Variants in ZNF556 observed in about 807,000 individuals in gnomAD.
ZNF556 encodes the protein zinc finger protein 556.
Under a neutral mutation model 13.6 loss-of-function variants are expected in ZNF556, and 11 were observed. That is an observed-to-expected ratio of 0.81 (90% CI 0.51 to 1.33). The LOEUF is 1.33. Ranked by LOEUF, ZNF556 falls within the 40% of genes most tolerant of loss-of-function variation. ZNF556 has a pLI of 0.00. For synonymous variants in ZNF556, 229 were observed against 207.8 expected, an observed-to-expected ratio of 1.10 and a Z score of -0.88; for missense variants, 633 against 566.2, an observed-to-expected ratio of 1.12 and a Z score of -1.20.
chr19:2,871,045 A>G (rs1314936757), intron 1 of ZNF556, among the ~76,000 whole-genome samples: 1 of 151,844 alleles, frequency 6.6e-6, no homozygotes, highest in Non-Finnish European at 1.5e-5. Flanking sequence ...TCTCAAAAAA[A>G]AAAAAAAATT....
At chr19:2,874,758 A>AAAAAAAG (rs1555725942) in intron 2 of ZNF556, among the ~76,000 whole-genome samples, 63 of 130,706 alleles carry the variant, frequency 4.8e-4, no homozygotes, top group Non-Finnish European at 5.7e-4. Flanking sequence ...AAAAAAAAAA[A>AAAAAAAG]AAAGAAAGAA....
chr19:2,874,234 GC>G (rs1325052341), intron 2 of ZNF556, among the ~76,000 whole-genome samples: 2 of 151,952 alleles, frequency 1.3e-5, no homozygotes, highest in African/African-American at 4.8e-5. Flanking sequence ...TCTAGCCTGG[GC>G]CATAGAGTGA....
chr19:2,867,387 G>T lies in ZNF556; in HGVS notation c.-35G>T. On this transcript the variant is annotated 5_prime_UTR_variant, in exon 1 of 4. It adds an upstream start codon to the 5' untranslated region. Transcript: ENST00000307635. ...TCACCTGCACCGGCTGCGAGGAGCA[G>T]GGAGCTCCTCAAAGAGCTCAGGAAC... 6.3e-7 allele frequency: 1 copy of T among 1,576,276 alleles called. No homozygotes were observed. The highest frequency in any genetic ancestry group is 8.6e-7 in the Non-Finnish European group (1 of 1,162,014).
At chr19:2,875,632 G>A (rs2087844909) in intron 2 of ZNF556, 1 of 155,250 alleles carries the variant, frequency 6.4e-6, no homozygotes, top group Non-Finnish European at 1.4e-5. Context: ...GGCCTCCACA[G>A]GCTCCAAGAT....
Position 2,873,575 on chromosome 19 carries a change from T to A in ZNF556, c.83T>A (p.Leu28His). 2 of 1,614,094 alleles carry A rather than the reference T, an allele frequency of 1.2e-6. No individual in the cohort carries two copies. The highest frequency in any genetic ancestry group is 1.7e-6 in the Non-Finnish European group (2 of 1,179,964). Residue 28 changes from leucine (L) to histidine (H), a missense_variant, in exon 2 of 4, where the codon CTC becomes CAC. By Grantham distance (99) the Leu-to-His change is moderately conservative (BLOSUM62 -3). Coordinates refer to ENST00000307635, the MANE Select transcript of ZNF556 (RefSeq NM_024967.3). The part of the protein sequence containing the change: ...WALLNPAQRK[L>H]YRDVMLETFK... ...TTGCTGAATCCTGCTCAGAGAAAACTCTACAGAGATGTCATGCTGGAGACC... is the reference window on the plus strand; with the variant it reads ...TTGCTGAATCCTGCTCAGAGAAAACACTACAGAGATGTCATGCTGGAGACC...
At chr19:2,872,330 C>T (rs543871376) in intron 1 of ZNF556, among the ~76,000 whole-genome samples, 2 of 151,300 alleles carry the variant, frequency 1.3e-5, no homozygotes, top group African/African-American at 4.9e-5. Flanking sequence ...TGGCAACAGG[C>T]GTCTTCCCAG....
At position 2,879,015 on chromosome 19, in the gene ZNF556, G is replaced by C. The variant is rs1343945283; in HGVS notation, c.*686G>C. 1 of 151,958 alleles carries C rather than the reference G, an allele frequency of 6.6e-6. No homozygotes were observed. The highest frequency in any genetic ancestry group is 6.6e-5 in the Admixed American group (1 of 15,230). The allele number at this position is 151,958 out of a possible 1,614,324, so 9.4% of individuals were successfully genotyped here. A position where few individuals can be genotyped will look rare whatever the true frequency, so the allele number is the denominator to read the frequency against. On this transcript the variant is annotated 3_prime_UTR_variant, in exon 4 of 4. Coordinates refer to ENST00000307635, the MANE Select transcript of ZNF556 (RefSeq NM_024967.3). ...GAGGCCATTAGACCAATGAAATATG[G>C]GTGTTTGTTGACATTTTCTGACTGG...
rs1184952760 is a variant in ZNF556, at chr19:2,876,157, A to G, written c.195A>G (p.Leu65=). ...AGCAGGATACTTCTGGAGAAAAATT[A>G]TCCCTCAAACAGAAAATAGAAAAGT... ...ISQQDTSGEK[L]SLKQKIEKFT... The change falls in exon 3 of 4, where the codon TTA becomes TTG. Residue 65 remains leucine (L), a synonymous_variant. Coordinates refer to ENST00000307635, the MANE Select transcript of ZNF556 (RefSeq NM_024967.3). 1.2e-6 allele frequency: 2 copies of G among 1,612,944 alleles called. No homozygotes were observed. Among genetic ancestry groups the G allele is most frequent in the Non-Finnish European group, 1.7e-6 (2 of 1,179,696 alleles).
chr19:2,876,325 C>T lies in ZNF556; in HGVS notation c.314+49C>T, dbSNP rs146602872. On this transcript the variant is annotated intron_variant, in intron 3 of 3. Coordinates refer to ENST00000307635, the MANE Select transcript of ZNF556 (RefSeq NM_024967.3). ...GGCAGTATCGCCAGGCACGGTGGCT[C>T]ATGCCTGTAATCCCAGCACTTCGGG... The T allele has an allele frequency of 9.8e-4, 1,495 of 1,520,296 alleles. 23 individuals are homozygous for T. In the African/African-American group the frequency reaches 0.02, roughly 20 times the overall value. 94.2% of individuals were successfully genotyped at this position (1,520,296 alleles called of 1,614,324 possible).
At chr19:2,871,735 G>A (rs550109725) in intron 1 of ZNF556, among the ~76,000 whole-genome samples, 15 of 152,276 alleles carry the variant, frequency 9.9e-5, no homozygotes, top group East Asian at 9.6e-4. Flanking sequence ...ACAAGAGAGC[G>A]TAGAAATAAA....
In ZNF556 at chr19:2,877,565, T is replaced by G. The variant is rs2087864993; in HGVS notation, c.607T>G (p.Tyr203Asp). The G allele has an allele frequency of 2.5e-6, 4 of 1,614,196 alleles. No individual in the cohort carries two copies. The East Asian group carries it at 8.9e-5, about 36-fold the overall frequency. The stretch of plus-strand genomic sequence containing the variant: ...GAAAACTCACAGTGGAGAGAAACCC[T>G]ATGCCTGTCAATCTTGCGGGAAGAC... ...HEKTHSGEKP[Y>D]ACQSCGKTFL... The change falls in exon 4 of 4, where the codon TAT becomes GAT. Residue 203 changes from tyrosine to aspartate, a missense_variant. Physicochemically the swap from Tyr to Asp is radical, Grantham distance 160. Coordinates refer to ENST00000307635, the MANE Select transcript of ZNF556 (RefSeq NM_024967.3).
intron 2 of ZNF556, among the ~76,000 whole-genome samples, chr19:2,873,878 G>T (rs763685437): frequency 6.7e-6 from 1 of 150,368 alleles, no homozygotes; most frequent in African/African-American, 2.5e-5. Context: ...AATCGCTTGA[G>T]ACCAGGAGTT....
intron 1 of ZNF556, among the ~76,000 whole-genome samples, chr19:2,871,609 C>T (rs759258992): frequency 1.3e-5 from 2 of 152,172 alleles, no homozygotes; most frequent in Admixed American, 6.5e-5. Flanking sequence ...GCCAGGGGTT[C>T]GAGACCAGCC....
In ZNF556 at chr19:2,882,813, C is replaced by G. The variant is rs557643317; in HGVS notation, c.*4484C>G. On this transcript the variant is annotated 3_prime_UTR_variant, in exon 4 of 4. Transcript: ENST00000307635. ...TCGTGATCTGCCCGCCTTGGCCTCC[C>G]GCAGAGCTGGGATTACAGGCGTGAG... is the stretch of plus-strand genomic sequence containing the variant. 1 of 152,248 alleles carries G rather than the reference C, an allele frequency of 6.6e-6. No homozygotes were observed. The highest frequency in any genetic ancestry group is 2.1e-4 in the South Asian group (1 of 4,834). The allele number at this position is 152,248 out of a possible 1,614,324, so 9.4% of individuals were successfully genotyped here.
At position 2,879,938 on chromosome 19, in the gene ZNF556, G is replaced by C. The variant is rs1374759685; in HGVS notation, c.*1609G>C. 6.6e-6 allele frequency: 1 copy of C among 152,184 alleles called. No homozygotes were observed. Among genetic ancestry groups the C allele is most frequent in the Non-Finnish European group, 1.5e-5 (1 of 68,084 alleles). 9.4% of individuals were successfully genotyped at this position (152,184 alleles called of 1,614,324 possible). ...CCAGCTACTCGGGAGGCTGAGGCAG[G>C]AGGATGGCGTGAACCTGGGAGGCGA... On this transcript the variant is annotated 3_prime_UTR_variant, in exon 4 of 4. Coordinates refer to ENST00000307635, the MANE Select transcript of ZNF556 (RefSeq NM_024967.3).
At position 2,882,850 on chromosome 19, in the gene ZNF556, G is replaced by A. The variant is rs1170335899; in HGVS notation, c.*4521G>A. ...ATTACAGGCGTGAGCCACCGCACCA[G>A]GCCCATGTCATATGTTTTTATGAGT... On this transcript the variant is annotated 3_prime_UTR_variant, in exon 4 of 4. Coordinates refer to ENST00000307635, the MANE Select transcript of ZNF556 (RefSeq NM_024967.3). 1 of 152,266 alleles carries A rather than the reference G, an allele frequency of 6.6e-6. No individual in the cohort carries two copies. Among genetic ancestry groups the A allele is most frequent in the African/African-American group, 2.4e-5 (1 of 41,444 alleles). 9.4% of individuals were successfully genotyped at this position (152,266 alleles called of 1,614,324 possible).
intron 1 of ZNF556, 94 bp from the exon 2 acceptor site, chr19:2,873,402 A>G: frequency 2.7e-6 from 4 of 1,460,956 alleles, no homozygotes; most frequent in Non-Finnish European, 9.4e-7. Flanking sequence ...GGCAGACTGC[A>G]GGATCTTGTG....
intron 1 of ZNF556, among the ~76,000 whole-genome samples, chr19:2,871,551 C>T (rs1024621816): frequency 2.0e-5 from 3 of 152,056 alleles, no homozygotes; most frequent in East Asian, 1.9e-4. Context: ...CGGTGGTTCA[C>T]GCCTGTAATC....
rs367810064 is a variant in ZNF556 at position 2,878,299 on chromosome 19, C to T, written c.1341C>T (p.His447=). The change falls in exon 4 of 4, where the codon CAC becomes CAT. Residue 447 remains histidine (H), a synonymous_variant. Coordinates refer to ENST00000307635, the MANE Select transcript of ZNF556 (RefSeq NM_024967.3). ...PKAFQGHVRS[H]TGKKSCTSK ...CCTTTCAAGGTCATGTGAGAAGTCA[C>T]ACAGGAAAGAAATCCTGTACATCTA... 8 of 1,613,832 alleles carry T rather than the reference C, an allele frequency of 5.0e-6. No individual in the cohort carries two copies. The highest frequency in any genetic ancestry group is 4.0e-5 in the African/African-American group (3 of 74,874).
Sources: gnomAD v4.1 joint callset for allele counts (sites outside exome capture counted in the v4.1 genomes callset) on GRCh38, gnomAD v4.1.1 for gene constraint, MANE v1.5 for transcripts, NCBI Gene and HGNC (gene_info 2026-07-23, HGNC 2026-07-21) for gene names.